The following ITFG1 variants were observed in gnomAD, a reference collection of about 807,000 sequenced individuals.
ITFG1 encodes T-cell immunomodulatory protein.
Under a neutral mutation model 81.8 loss-of-function variants are expected in ITFG1, and 34 were observed. The observed-to-expected ratio is 0.42, with a 90% CI of 0.32 to 0.55. The LOEUF is 0.55. Ranked by LOEUF, ITFG1 falls within the 20% of genes least tolerant of loss-of-function variation. ITFG1 has a pLI of 0.17. For missense variants in ITFG1, 672 were observed against 755.4 expected (o/e 0.89, Z 1.29); for synonymous variants, 285 against 270.6 (o/e 1.05, Z -0.52).
At chr16:47,358,991 G>C (rs1453774794) in intron 8 of ITFG1, among the ~76,000 whole-genome samples, 8 of 152,082 alleles carry the variant, frequency 5.3e-5, no homozygotes, top group African/African-American at 1.9e-4. Flanking sequence ...AGAGTGGTCA[G>C]GGAAGGCCTC....
chr16:47,413,030 A>T (rs542138117), intron 6 of ITFG1, among the ~76,000 whole-genome samples: 3 of 152,108 alleles, frequency 2.0e-5, no homozygotes, highest in African/African-American at 7.2e-5. Flanking sequence ...TTCCTGTGAG[A>T]TACTATACAA....
intron 6 of ITFG1, among the ~76,000 whole-genome samples, chr16:47,419,362 A>C (rs1968912776): frequency 1.3e-5 from 2 of 151,822 alleles, no homozygotes; most frequent in African/African-American, 4.8e-5. Flanking sequence ...TCAACCTCCC[A>C]AGCTCAAGCA....
At chr16:47,159,136 A>G in intron 16 of ITFG1, 146 bp from the exon 17 acceptor site, 1 of 414,166 alleles carries the variant, frequency 2.4e-6, no homozygotes, top group South Asian at 9.1e-5. Context: ...TTCATTATAA[A>G]TAAAACAAAA....
rs1968587432 is a variant in ITFG1 at position 47,395,951 on chromosome 16, T to C, written c.656-20011A>G. 1.3e-5 allele frequency among the ~76,000 whole-genome samples: 2 copies of C among 152,210 alleles called. 1 individual carries two copies. Among genetic ancestry groups the C allele is most frequent in the South Asian group, 4.1e-4 (2 of 4,832 alleles). ...GCAGGTGTGAAGAAATATCAAACCA[T>C]GTAACACAATCTGCTGCTAAATGTC... On this transcript the variant is annotated intron_variant, in intron 6 of 17. Transcript: ENST00000320640.
At chr16:47,168,400 C>G (rs1001390422) in intron 14 of ITFG1, among the ~76,000 whole-genome samples, 1 of 152,108 alleles carries the variant, frequency 6.6e-6, no homozygotes, top group South Asian at 2.1e-4. Context: ...TTGAGACAGG[C>G]TCTTGCTCTG....
rs146381831 is a variant in ITFG1, at chr16:47,209,360, A to G, written c.1453+9508T>C. 4.1e-4 allele frequency among the ~76,000 whole-genome samples: 63 copies of G among 152,276 alleles called. 1 individual carries two copies. The East Asian group carries it at 0.012, about 28-fold the overall frequency. ...GTATTGATATAATTCCAATAAAAGC[A>G]AAGAAGCATAACATACTGTTACTCT... On this transcript the variant is annotated intron_variant, in intron 14 of 17. Transcript: ENST00000320640.
chr16:47,433,791 A>G (rs960331900), intron 5 of ITFG1, among the ~76,000 whole-genome samples: 9 of 143,956 alleles, frequency 6.3e-5, no homozygotes, highest in African/African-American at 2.3e-4. Flanking sequence ...ATATATATAT[A>G]TACACACACA....
chr16:47,158,605 C>T (rs1472059005), intron 17 of ITFG1, among the ~76,000 whole-genome samples: 8 of 151,880 alleles, frequency 5.3e-5, no homozygotes, highest in Non-Finnish European at 8.8e-5. Context: ...TTTTGATTTC[C>T]GGTTGATCAC....
At chr16:47,442,043 A>G (rs1969258989) in intron 5 of ITFG1, among the ~76,000 whole-genome samples, 1 of 152,142 alleles carries the variant, frequency 6.6e-6, no homozygotes, top group Non-Finnish European at 1.5e-5. Context: ...AAAACAGACA[A>G]ACAGAGAGCC....
chr16:47,300,163 G>C (rs1967054001), intron 10 of ITFG1, among the ~76,000 whole-genome samples: 1 of 152,194 alleles, frequency 6.6e-6, no homozygotes. Context: ...ACCTTTTCCT[G>C]TAATGGGGAA....
chr16:47,241,250 G>A (rs1421885785), intron 12 of ITFG1, among the ~76,000 whole-genome samples: 1 of 152,120 alleles, frequency 6.6e-6, no homozygotes, highest in African/African-American at 2.4e-5. Context: ...TTCCTTAAAA[G>A]GCTGAACATA....
At chr16:47,212,784 T>C (rs1201785824) in intron 14 of ITFG1, among the ~76,000 whole-genome samples, 1 of 152,262 alleles carries the variant, frequency 6.6e-6, no homozygotes, top group Non-Finnish European at 1.5e-5. Flanking sequence ...ATCTGATTCA[T>C]TCCTGACACT....
chr16:47,185,521 T>A (rs1245475121), intron 14 of ITFG1, among the ~76,000 whole-genome samples: 1 of 152,134 alleles, frequency 6.6e-6, no homozygotes, highest in East Asian at 1.9e-4. Context: ...ACTGGGTACA[T>A]AATGAAATGA....
At chr16:47,182,843 T>C (rs1965147859) in intron 14 of ITFG1, among the ~76,000 whole-genome samples, 1 of 152,160 alleles carries the variant, frequency 6.6e-6, no homozygotes, top group South Asian at 2.1e-4. Context: ...ATTTCTGCAT[T>C]TCCATCTGAG....
intron 14 of ITFG1, among the ~76,000 whole-genome samples, chr16:47,181,490 C>T (rs1465272523): frequency 5.7e-5 from 8 of 139,192 alleles, no homozygotes; most frequent in African/African-American, 1.1e-4. Context: ...CCGCCCCGTC[C>T]GGGAGGGAGG....
intron 7 of ITFG1, among the ~76,000 whole-genome samples, chr16:47,371,509 T>TGTG (rs913384924): frequency 6.6e-6 from 1 of 152,198 alleles, no homozygotes; most frequent in African/African-American, 2.4e-5. Context: ...AAATGTGTCA[T>TGTG]GTGGTAGCAA....
At chr16:47,277,196 C>T (rs1966406678) in intron 10 of ITFG1, among the ~76,000 whole-genome samples, 1 of 152,092 alleles carries the variant, frequency 6.6e-6, no homozygotes, top group African/African-American at 2.4e-5. Context: ...CTATATAGCT[C>T]ATCAAAAACA....
chr16:47,380,391 C>T (rs763695365), intron 6 of ITFG1, among the ~76,000 whole-genome samples: 1 of 152,170 alleles, frequency 6.6e-6, no homozygotes, highest in African/African-American at 2.4e-5. Context: ...CACACACACC[C>T]CCATTCCTAT....
chr16:47,243,457 G>C (rs1965961315), intron 12 of ITFG1, among the ~76,000 whole-genome samples: 1 of 152,144 alleles, frequency 6.6e-6, no homozygotes, highest in African/African-American at 2.4e-5. Flanking sequence ...TCATATGCTG[G>C]TGAAAATATA....
Sources: gnomAD v4.1 joint callset for allele counts (sites outside exome capture counted in the v4.1 genomes callset) on GRCh38, gnomAD v4.1.1 for gene constraint, MANE v1.5 for transcripts, NCBI Gene and HGNC (gene_info 2026-07-23, HGNC 2026-07-21) for gene names.